EXOC4: variants seen among roughly 807,000 people sequenced by gnomAD.
The protein encoded by EXOC4 is SEC8-like 1.
A neutral mutation model predicts 107.2 loss-of-function variants in EXOC4; 71 were observed. The observed-to-expected ratio is 0.66, with a 90% CI of 0.55 to 0.81. The LOEUF (loss-of-function observed/expected upper bound fraction) is 0.81, where lower values mean the gene tolerates loss of function less well. Ranked by LOEUF, EXOC4 falls within the 30% of genes least tolerant of loss-of-function variation. EXOC4 has a pLI of 0.00. For synonymous variants in EXOC4, 456 were observed against 441.2 expected (o/e 1.03, Z -0.42); for missense variants, 1,108 against 1,189.6 (o/e 0.93, Z 1.01).
intron 17 of EXOC4, among the ~76,000 whole-genome samples, chr7:134,037,082 A>G (rs1008982638): frequency 2.0e-5 from 3 of 152,196 alleles, no homozygotes; most frequent in African/African-American, 4.8e-5. Flanking sequence ...GCTTCATGTT[A>G]TTGAAAAGTG....
intron 6 of EXOC4, among the ~76,000 whole-genome samples, chr7:133,374,399 G>A (rs2150688808): frequency 6.6e-6 from 1 of 152,186 alleles, no homozygotes; most frequent in African/African-American, 2.4e-5. Flanking sequence ...CCTTATCAAA[G>A]TGCCTAATTT....
At chr7:133,527,894 A>C (rs1800110264) in intron 9 of EXOC4, among the ~76,000 whole-genome samples, 1 of 152,182 alleles carries the variant, frequency 6.6e-6, no homozygotes, top group South Asian at 2.1e-4. Context: ...TTTACTGTTC[A>C]TGCTTACTTC....
rs1271478118 is a variant in EXOC4 at position 133,538,238 on chromosome 7, T to G, written c.1417+58100T>G. On this transcript the variant is annotated intron_variant, in intron 9 of 17. Coordinates refer to ENST00000253861, the MANE Select transcript of EXOC4 (RefSeq NM_021807.4). ...CATATTAGAGACTGAATTATCAAAA[T>G]TCTTTATTGCTGTTCTTTCATTATC... 4.6e-5 allele frequency among the ~76,000 whole-genome samples: 7 copies of G among 152,292 alleles called. No individual in the cohort carries two copies. The East Asian group carries it at 1.4e-3, about 29-fold the overall frequency.
At chr7:134,060,385 G>A (rs1418104366) in intron 17 of EXOC4, among the ~76,000 whole-genome samples, 1 of 152,204 alleles carries the variant, frequency 6.6e-6, no homozygotes, top group Non-Finnish European at 1.5e-5. Flanking sequence ...TGTAGGCTAT[G>A]AAGAGTCTGT....
chr7:133,814,143 AC>A (rs1273743513), intron 10 of EXOC4, among the ~76,000 whole-genome samples: 3 of 151,906 alleles, frequency 2.0e-5, no homozygotes, highest in Admixed American at 2.0e-4. Context: ...CCCAGACCTG[AC>A]CCCCACCCCT....
At chr7:133,839,559 A>G (rs1403160583) in intron 11 of EXOC4, among the ~76,000 whole-genome samples, 2 of 152,204 alleles carry the variant, frequency 1.3e-5, no homozygotes, top group Non-Finnish European at 2.9e-5. Context: ...TAATAGGGAA[A>G]TGGTCATAGG....
At chr7:133,484,181 T>A in intron 9 of EXOC4, 1 of 1,560,582 alleles carries the variant, frequency 6.4e-7, no homozygotes, top group Non-Finnish European at 8.6e-7. Context: ...CCCAAGAGGA[T>A]AAAAGGATTA....
intron 12 of EXOC4, among the ~76,000 whole-genome samples, chr7:133,900,394 GA>G (rs1012943652): frequency 6.6e-6 from 1 of 152,136 alleles, no homozygotes; most frequent in African/African-American, 2.4e-5. Context: ...TGTGAAGAGT[GA>G]AGAGGAATTA....
At chr7:133,589,744 C>T (rs1801495437) in intron 9 of EXOC4, among the ~76,000 whole-genome samples, 1 of 152,188 alleles carries the variant, frequency 6.6e-6, no homozygotes, top group African/African-American at 2.4e-5. Flanking sequence ...TTTTTCCTCA[C>T]AAATGGATGG....
chr7:133,880,797 T>A (rs755567572), intron 11 of EXOC4, among the ~76,000 whole-genome samples: 14 of 152,216 alleles, frequency 9.2e-5, no homozygotes, highest in Non-Finnish European at 1.9e-4. Flanking sequence ...ATAATTTATT[T>A]CTACCCAAAA....
chr7:134,069,778 C>T (rs915982612), downstream of EXOC4, among the ~76,000 whole-genome samples: 2 of 152,134 alleles, frequency 1.3e-5, no homozygotes, highest in African/African-American at 2.4e-5. Flanking sequence ...GGCCCCTTTA[C>T]CATTTCTTGA....
chr7:133,842,987 T>G (rs1455238547), intron 11 of EXOC4, among the ~76,000 whole-genome samples: 1 of 152,138 alleles, frequency 6.6e-6, no homozygotes, highest in Non-Finnish European at 1.5e-5. Context: ...TTATTTCTGC[T>G]CTCTAATAGG....
At chr7:134,001,900 T>C (rs1794538698) in intron 15 of EXOC4, among the ~76,000 whole-genome samples, 1 of 152,252 alleles carries the variant, frequency 6.6e-6, no homozygotes, top group African/African-American at 2.4e-5. Context: ...CATGCTATTT[T>C]ACATGGTCTT....
chr7:133,671,431 T>C (rs1793942915), intron 10 of EXOC4, among the ~76,000 whole-genome samples: 1 of 152,002 alleles, frequency 6.6e-6, no homozygotes, highest in Non-Finnish European at 1.5e-5. Context: ...TGGGCGTGTG[T>C]TGGTGGGTGC....
At chr7:133,952,846 A>G (rs946823628) in intron 14 of EXOC4, among the ~76,000 whole-genome samples, 6 of 152,194 alleles carry the variant, frequency 3.9e-5, no homozygotes, top group Non-Finnish European at 5.9e-5. Flanking sequence ...TGAAAGCTGC[A>G]TGATATTCTA....
At chr7:133,513,767 T>C (rs1799818566) in intron 9 of EXOC4, among the ~76,000 whole-genome samples, 1 of 152,182 alleles carries the variant, frequency 6.6e-6, no homozygotes, top group South Asian at 2.1e-4. Flanking sequence ...CTGAGGTGAG[T>C]AATAAGGCTT....
intron 11 of EXOC4, among the ~76,000 whole-genome samples, chr7:133,843,757 G>C (rs1798067544): frequency 2.0e-5 from 3 of 152,070 alleles, no homozygotes; most frequent in Admixed American, 1.3e-4. Context: ...CAAGGGGAAG[G>C]CTTCCAGCTT....
intron 10 of EXOC4, among the ~76,000 whole-genome samples, chr7:133,788,010 T>TATATATAC (rs1796624817): frequency 9.5e-6 from 1 of 105,682 alleles, no homozygotes; most frequent in Admixed American, 1.0e-4. Context: ...TATATATATA[T>TATATATAC]ATGGAATTTT....
chr7:134,095,679 C>T, the EXOC4 span, among the ~76,000 whole-genome samples: 9 of 152,000 alleles, frequency 5.9e-5, no homozygotes, highest in South Asian at 2.1e-4. Context: ...CACCTATGGC[C>T]GTCTAATCTT....
Sources: allele counts gnomAD v4.1 joint callset (sites outside exome capture counted in the v4.1 genomes callset), GRCh38; gene constraint gnomAD v4.1.1; transcripts MANE v1.5; gene names NCBI Gene and HGNC (gene_info 2026-07-23, HGNC 2026-07-21).